MAPK9: variants seen among roughly 807,000 people sequenced by gnomAD.
The protein encoded by MAPK9 is Jun kinase.
Under a neutral mutation model 57.1 loss-of-function variants are expected in MAPK9, and 30 were observed. The ratio of observed to expected loss-of-function variants is 0.53; its 90% CI spans 0.39 to 0.71. MAPK9 has a LOEUF of 0.71. Among genes scored for constraint, MAPK9 ranks in the 30% least tolerant of loss-of-function variants. The probability of loss-of-function intolerance (pLI) is 0.00; values close to 1 mark genes in which losing one functional copy is unlikely to be tolerated. For missense variants in MAPK9, 362 were observed against 521.0 expected (o/e 0.69, Z 2.97); for synonymous variants, 155 against 177.0 (o/e 0.88, Z 0.99).
At chr5:180,273,366 T>C (rs995880495) in intron 2 of MAPK9, among the ~76,000 whole-genome samples, 3 of 152,160 alleles carry the variant, frequency 2.0e-5, no homozygotes, top group Admixed American at 1.3e-4. Context: ...TAATACAAAA[T>C]TGATCAATCT....
chr5:180,248,070 C>T, intron 6 of MAPK9: 1 of 672,888 alleles, frequency 1.5e-6, no homozygotes, highest in Non-Finnish European at 2.5e-6. Flanking sequence ...CCTGAGCGAT[C>T]ATTTTCTAGA....
chr5:180,267,405 A>C (rs1760704841), intron 3 of MAPK9, among the ~76,000 whole-genome samples: 1 of 151,702 alleles, frequency 6.6e-6, no homozygotes, highest in African/African-American at 2.4e-5. Flanking sequence ...TACTAAAAAT[A>C]CAAAAAATTA....
At chr5:180,287,588 C>T (rs1581334383) in intron 1 of MAPK9, among the ~76,000 whole-genome samples, 2 of 152,156 alleles carry the variant, frequency 1.3e-5, no homozygotes, top group East Asian at 1.9e-4. Flanking sequence ...CTGGGATCAG[C>T]GGACACACCC....
In MAPK9 at chr5:180,249,014, C is replaced by T. The variant is rs1758404864; in HGVS notation, c.575G>A (p.Arg192Gln). The T allele has an allele frequency of 1.9e-6, 3 of 1,613,740 alleles. No individual in the cohort carries two copies. Among genetic ancestry groups the T allele is most frequent in the Non-Finnish European group, 1.7e-6 (2 of 1,179,814 alleles). The change falls in exon 6 of 12, where the codon CGG becomes CAG. Residue 192 changes from arginine to glutamine, a missense_variant. Physicochemically the swap from Arg to Gln is conservative, Grantham distance 43. This residue lies in a region of MAPK9 where 127 missense variants were observed against 231.7 expected (regional missense o/e 0.55). Transcript: ENST00000452135. ...CATACCCAGGATGACTTCGGGCGCC[C>T]GGTAGTACCGTGTCACCACGTAAGG... ...MTPYVVTRYY[R>Q]APEVILGMGY...
At chr5:180,269,662 C>G (rs1225248274) in intron 2 of MAPK9, among the ~76,000 whole-genome samples, 1 of 152,176 alleles carries the variant, frequency 6.6e-6, no homozygotes, top group Non-Finnish European at 1.5e-5. Context: ...ACCAAGGTTT[C>G]ATAGTTTAGA....
rs1757187469 is a variant in MAPK9 at position 180,236,530 on chromosome 5, T to C, written c.1133-4A>G. 1.9e-6 allele frequency: 3 copies of C among 1,611,770 alleles called. No individual in the cohort carries two copies. Among genetic ancestry groups the C allele is most frequent in the Admixed American group, 3.3e-5 (2 of 59,882 alleles). Reference sequence around the variant, plus strand: ...GCGTTGCTACTTACTGCTGCATCTGTGCTAAGAAAACCAAATATAATAAAA... The same window carrying C: ...GCGTTGCTACTTACTGCTGCATCTGCGCTAAGAAAACCAAATATAATAAAA... On this transcript the variant is annotated splice_region_variant and splice_polypyrimidine_tract_variant and intron_variant, in intron 11 of 11. Coordinates refer to ENST00000452135, the MANE Select transcript of MAPK9 (RefSeq NM_002752.5).
At position 180,247,387 on chromosome 5, in the gene MAPK9, T is replaced by C; in HGVS notation, c.688+52A>G. On this transcript the variant is annotated intron_variant, in intron 7 of 11. Coordinates refer to ENST00000452135, the MANE Select transcript of MAPK9 (RefSeq NM_002752.5). This position sits in a 1 kb window ranked among gnomAD's most constrained non-coding sequence, Gnocchi z 4.5. ...CGCTCGTGTAAGCAGGTGGTCATGC[T>C]GCCTGAGGCATTAAGAAAGCATGGC... is the stretch of plus-strand genomic sequence containing the variant. 1 of 1,612,088 alleles carries C rather than the reference T, an allele frequency of 6.2e-7. No homozygotes were observed. Among genetic ancestry groups the C allele is most frequent in the Non-Finnish European group, 8.5e-7 (1 of 1,178,114 alleles).
intron 7 of MAPK9, 130 bp from the exon 8 acceptor site, chr5:180,242,885 T>C: frequency 1.6e-6 from 1 of 629,476 alleles, no homozygotes; most frequent in Non-Finnish European, 2.6e-6. Flanking sequence ...AATTTTGAAA[T>C]AATATTCAAA....
At chr5:180,245,825 T>C (rs4362908) in intron 7 of MAPK9, among the ~76,000 whole-genome samples, 74,493 of 152,014 alleles carry the variant, frequency 0.49, 18,631 homozygotes, top group African/African-American at 0.52. Flanking sequence ...TTTTCTACCC[T>C]GGGTCGCAAA....
rs1364734433 is a variant in MAPK9, at chr5:180,247,749, A to G, written c.617-239T>C. 11 of 1,259,880 alleles carry G rather than the reference A, an allele frequency of 8.7e-6. No homozygotes were observed. The highest frequency in any genetic ancestry group is 1.3e-5 in the Non-Finnish European group (11 of 872,288). The allele number at this position is 1,259,880 out of a possible 1,614,324, so 78.0% of individuals were successfully genotyped here. On this transcript the variant is annotated intron_variant, in intron 6 of 11. Coordinates refer to ENST00000452135, the MANE Select transcript of MAPK9 (RefSeq NM_002752.5). The surrounding 1 kb of genome is among the most constrained non-coding windows in gnomAD (Gnocchi z 4.5). ...TATAGCTTAAAACAAACAAACAAAC[A>G]AACAAAAAACCAGAAACAAGAAGTG...
chr5:180,245,170 C>T (rs1461155820), intron 7 of MAPK9, among the ~76,000 whole-genome samples: 2 of 152,228 alleles, frequency 1.3e-5, no homozygotes, highest in East Asian at 1.9e-4. Context: ...ACTTTGATCT[C>T]TCTATCCCAG....
At chr5:180,251,909 G>A (rs1758746098) in intron 5 of MAPK9, among the ~76,000 whole-genome samples, 1 of 152,188 alleles carries the variant, frequency 6.6e-6, no homozygotes, top group Non-Finnish European at 1.5e-5. Context: ...CCAGGAAGGA[G>A]CACATCATGA....
At chr5:180,246,708 T>C (rs4481314) in intron 7 of MAPK9, 70,815 of 152,104 alleles carry the variant, frequency 0.47, 16,894 homozygotes, top group Non-Finnish European at 0.5. Flanking sequence ...AAGAAGGCTA[T>C]TGTAACAATT....
intron 5 of MAPK9, among the ~76,000 whole-genome samples, chr5:180,251,780 G>A (rs1186700348): frequency 2.2e-5 from 3 of 136,424 alleles, no homozygotes; most frequent in Admixed American, 7.1e-5. Flanking sequence ...GGAACCCAAC[G>A]CTACCCTGTG....
chr5:180,291,343 A>C, intron 1 of MAPK9, among the ~76,000 whole-genome samples: 1 of 151,920 alleles, frequency 6.6e-6, no homozygotes, highest in Non-Finnish European at 1.5e-5. Context: ...TTCCTACACC[A>C]CTCACACCAG....
chr5:180,247,377 G>A lies in MAPK9; in HGVS notation c.688+62C>T. The A allele has an allele frequency of 1.3e-6, 2 of 1,598,098 alleles. No individual in the cohort carries two copies. Among genetic ancestry groups the A allele is most frequent in the East Asian group, 2.2e-5 (1 of 44,784 alleles). On this transcript the variant is annotated intron_variant, in intron 7 of 11. Coordinates refer to ENST00000452135, the MANE Select transcript of MAPK9 (RefSeq NM_002752.5). This position sits in a 1 kb window ranked among gnomAD's most constrained non-coding sequence, Gnocchi z 4.5. Reference sequence around the variant, plus strand: ...TCCTCGTGAGCGCTCGTGTAAGCAGGTGGTCATGCTGCCTGAGGCATTAAG... The same window carrying A: ...TCCTCGTGAGCGCTCGTGTAAGCAGATGGTCATGCTGCCTGAGGCATTAAG...
In MAPK9 at chr5:180,249,011, G is replaced by T; in HGVS notation, c.578C>A (p.Ala193Glu). 6.2e-7 allele frequency: 1 copy of T among 1,613,348 alleles called. No homozygotes were observed. The highest frequency in any genetic ancestry group is 8.5e-7 in the Non-Finnish European group (1 of 1,179,538). The change falls in exon 6 of 12, where the codon GCG (alanine) becomes GAG (glutamate). Residue 193 changes from alanine to glutamate, a missense_variant. Physicochemically the swap from Ala to Glu is moderately radical, Grantham distance 107. Transcript: ENST00000452135. ...GCCCATACCCAGGATGACTTCGGGCGCCCGGTAGTACCGTGTCACCACGTA... is the reference window on the plus strand; with the variant it reads ...GCCCATACCCAGGATGACTTCGGGCTCCCGGTAGTACCGTGTCACCACGTA... The part of the protein sequence containing the change: ...TPYVVTRYYR[A>E]PEVILGMGYK...
Position 180,248,961 on chromosome 5 carries a change from G to C in MAPK9, c.616+12C>G, listed in dbSNP as rs971538187. On this transcript the variant is annotated intron_variant, in intron 6 of 11. Transcript: ENST00000452135. ...AAACATCCCAGCCTCTTCCAGCCCCGGCTATACTCACCGTTCTCTTTGTAG... is the reference window on the plus strand; with the variant it reads ...AAACATCCCAGCCTCTTCCAGCCCCCGCTATACTCACCGTTCTCTTTGTAG... 1 of 1,595,444 alleles carries C rather than the reference G, an allele frequency of 6.3e-7. No individual in the cohort carries two copies. The highest frequency in any genetic ancestry group is 1.3e-5 in the African/African-American group (1 of 74,248).
chr5:180,251,117 G>C (rs1280774915), intron 5 of MAPK9, among the ~76,000 whole-genome samples: 1 of 152,176 alleles, frequency 6.6e-6, no homozygotes, highest in Non-Finnish European at 1.5e-5. Context: ...GGCAGCGATG[G>C]AAAGCAAGCA....
Sources: gnomAD v4.1 joint callset for allele counts (sites outside exome capture counted in the v4.1 genomes callset) on GRCh38, gnomAD v4.1.1 for gene constraint, gnomAD v4.1.1 regional missense constraint, Gnocchi (gnomAD v3.1) non-coding constraint, MANE v1.5 for transcripts, NCBI Gene and HGNC (gene_info 2026-07-23, HGNC 2026-07-21) for gene names.